WTIP: variants seen among roughly 807,000 people sequenced by gnomAD.
WTIP encodes WT1 interacting protein.
Under a neutral mutation model 41.7 loss-of-function variants are expected in WTIP, and 23 were observed. The observed-to-expected ratio is 0.55, with a 90% CI of 0.40 to 0.78. The LOEUF (loss-of-function observed/expected upper bound fraction) is 0.78. WTIP is among the 30% of genes least tolerant of loss of function. The pLI is 0.00. For synonymous variants in WTIP, 314 were observed against 269.9 expected (o/e 1.16, Z -1.60); for missense variants, 619 against 610.5 (o/e 1.01, Z -0.15).
In WTIP at chr19:34,494,567, GTTTCC is replaced by G; in HGVS notation, c.1032-15_1032-11del. ...CTGGTCACTCAGCTGATCACTTCTGGTTTCCTTTATTTCTCTAGGGTTTTTGCACC... is the reference window on the plus strand; with the variant it reads ...CTGGTCACTCAGCTGATCACTTCTGGTTTATTTCTCTAGGGTTTTTGCACC... On this transcript the variant is annotated splice_polypyrimidine_tract_variant and intron_variant, in intron 5 of 7. Transcript: ENST00000590071. The G allele has an allele frequency of 6.2e-7, 1 of 1,613,006 alleles. No individual in the cohort carries two copies. Among genetic ancestry groups the G allele is most frequent in the Admixed American group, 1.7e-5 (1 of 59,912 alleles).
Position 34,504,403 on chromosome 19 carries a change from TTG to T in WTIP, c.*4152_*4153del, listed in dbSNP as rs142028323. The T allele has an allele frequency of 0.011, 1,574 of 146,182 alleles. 26 individuals carry two copies. The highest frequency in any genetic ancestry group is 0.038 in the African/African-American group (1,445 of 38,428). 9.1% of individuals were successfully genotyped at this position (146,182 alleles called of 1,614,324 possible). A position where few individuals can be genotyped will look rare whatever the true frequency, so the allele number is the denominator to read the frequency against. ...CTGTGGGGTGTAATTGTGTGTTTGT[TTG>T]TGTGTGTGTGTGTGTGTCTGTGTGT... is the stretch of plus-strand genomic sequence containing the variant. On this transcript the variant is annotated 3_prime_UTR_variant, in exon 8 of 8. Transcript: ENST00000590071.
Position 34,482,351 on chromosome 19 carries a change from C to T in WTIP, c.377C>T (p.Ser126Leu), listed in dbSNP as rs1048658097. Residue 126 changes from serine to leucine, a missense_variant, in exon 1 of 8, where the codon TCG becomes TTG. Physicochemically the swap from Ser to Leu is moderately radical, Grantham distance 145. Coordinates refer to ENST00000590071, the MANE Select transcript of WTIP (RefSeq NM_001080436.2). ...CACGGCAGCCCGCGCTCCGGTCGCT[C>T]GGACCCGCGTCCCGGTCCCGGGCCG... ...QRHGSPRSGR[S>L]DPRPGPGPPS... The T allele has an allele frequency of 1.2e-5, 17 of 1,386,064 alleles. No individual in the cohort carries two copies. Among genetic ancestry groups the T allele is most frequent in the Non-Finnish European group, 1.5e-5 (16 of 1,064,806 alleles). The allele number at this position is 1,386,064 out of a possible 1,614,324, so 85.9% of individuals were successfully genotyped here. A position where few individuals can be genotyped will look rare whatever the true frequency, so the allele number is the denominator to read the frequency against.
chr19:34,495,432 G>T (rs11882662), intron 6 of WTIP, among the ~76,000 whole-genome samples: 8,582 of 151,938 alleles, frequency 0.056, 799 homozygotes, highest in African/African-American at 0.2. Flanking sequence ...TGAAAATAAT[G>T]TCCACATCCA....
At position 34,493,014 on chromosome 19, in the gene WTIP, C is replaced by G. The variant is rs1171790548; in HGVS notation, c.770-23C>G. The G allele has an allele frequency of 6.2e-7, 1 of 1,613,642 alleles. No homozygotes were observed. Among genetic ancestry groups the G allele is most frequent in the Non-Finnish European group, 8.5e-7 (1 of 1,179,772 alleles). On this transcript the variant is annotated intron_variant, in intron 2 of 7. Coordinates refer to ENST00000590071, the MANE Select transcript of WTIP (RefSeq NM_001080436.2). The surrounding 1 kb of genome is among the most constrained non-coding windows in gnomAD (Gnocchi z 4.1). ...CCTGGTCCCCAGCGTTCCAGGGACCCCTCTCAACCCTCACCCTTGCAGGGA... is the reference window on the plus strand; with the variant it reads ...CCTGGTCCCCAGCGTTCCAGGGACCGCTCTCAACCCTCACCCTTGCAGGGA...
At position 34,482,268 on chromosome 19, in the gene WTIP, C is replaced by CGGCGGCGGT. The variant is rs1372550716; in HGVS notation, c.301_309dup (p.Gly101_Gly103dup). On this transcript the variant is annotated inframe_insertion, in exon 1 of 8. Transcript: ENST00000590071. Reference sequence around the variant, plus strand: ...GGGCCAGCCTGGCGGGGTCCGACGGCGGCGGCGGTGGCGGCAGCGCCCGAT... The same window carrying CGGCGGCGGT: ...GGGCCAGCCTGGCGGGGTCCGACGGCGGCGGCGGTGGCGGCGGTGGCGGCAGCGCCCGAT... 1 of 1,298,600 alleles carries CGGCGGCGGT rather than the reference C, an allele frequency of 7.7e-7. No homozygotes were observed. The highest frequency in any genetic ancestry group is 9.8e-7 in the Non-Finnish European group (1 of 1,016,140). The allele number at this position is 1,298,600 out of a possible 1,614,324, so 80.4% of individuals were successfully genotyped here.
At chr19:34,492,564 C>A (rs1376719327) in intron 2 of WTIP, among the ~76,000 whole-genome samples, 1 of 151,438 alleles carries the variant, frequency 6.6e-6, no homozygotes, top group East Asian at 2.0e-4. Context: ...AGCCAGGCAC[C>A]TGTAGTCCCA....
Position 34,481,968 on chromosome 19 carries a change from C to T in WTIP, c.-7C>T, listed in dbSNP as rs990436733. ...GAGGTGACGCGCCAGGGCCGGCGGG[C>T]CGGGCCATGCAGCGCTCCAGGGCGG... On this transcript the variant is annotated 5_prime_UTR_variant, in exon 1 of 8. Transcript: ENST00000590071. 2.6e-4 allele frequency: 259 copies of T among 1,003,066 alleles called. 1 individual carries two copies. In the African/African-American group the frequency reaches 4.4e-3, roughly 17 times the overall value. 62.1% of individuals were successfully genotyped at this position (1,003,066 alleles called of 1,614,324 possible). A position where few individuals can be genotyped will look rare whatever the true frequency, so the allele number is the denominator to read the frequency against.
rs148366496 is a variant in WTIP at position 34,503,701 on chromosome 19, G to A, written c.*3432G>A. The A allele has an allele frequency of 3.4e-3, 513 of 152,562 alleles. 3 individuals carry two copies. Among genetic ancestry groups the A allele is most frequent in the African/African-American group, 0.012 (493 of 41,532 alleles). The allele number at this position is 152,562 out of a possible 1,614,324, so 9.5% of individuals were successfully genotyped here. A position where few individuals can be genotyped will look rare whatever the true frequency, so the allele number is the denominator to read the frequency against. ...CTATGCGGTGAGCTCTTCAGCTTGG[G>A]CCCGCCTGGTGGCTCACGCTACTCT... On this transcript the variant is annotated 3_prime_UTR_variant, in exon 8 of 8. Transcript: ENST00000590071.
chr19:34,502,719 C>G lies in WTIP; in HGVS notation c.*2450C>G, dbSNP rs1470534859. ...ACAGGCGTGAGCCACTGTGCCTGGC[C>G]TTACTTTTTGTATTTTTAGTTGAGA... On this transcript the variant is annotated 3_prime_UTR_variant, in exon 8 of 8. Coordinates refer to ENST00000590071, the MANE Select transcript of WTIP (RefSeq NM_001080436.2). 27 of 152,196 alleles carry G rather than the reference C, an allele frequency of 1.8e-4. No individual in the cohort carries two copies. Among genetic ancestry groups the G allele is most frequent in the Admixed American group, 1.8e-3 (27 of 15,264 alleles). The allele number at this position is 152,196 out of a possible 1,614,324, so 9.4% of individuals were successfully genotyped here. A position where few individuals can be genotyped will look rare whatever the true frequency, so the allele number is the denominator to read the frequency against.
chr19:34,491,606 G>A (rs1241213889), intron 2 of WTIP, among the ~76,000 whole-genome samples: 1 of 151,858 alleles, frequency 6.6e-6, no homozygotes, highest in Non-Finnish European at 1.5e-5. Flanking sequence ...ATAGGTGTGA[G>A]TCACCTTGCC....
chr19:34,495,126 G>GCACATGGT (rs1205226475), intron 6 of WTIP, among the ~76,000 whole-genome samples: 4 of 152,166 alleles, frequency 2.6e-5, no homozygotes, highest in Admixed American at 6.5e-5. Context: ...CCGGGCACAG[G>GCACATGGT]GGCCCACGCC....
intron 7 of WTIP, among the ~76,000 whole-genome samples, 167 bp from the exon 8 acceptor site, chr19:34,499,962 A>G (rs2075875552): frequency 6.6e-6 from 1 of 152,050 alleles, no homozygotes; most frequent in Non-Finnish European, 1.5e-5. Context: ...CAGCCTCCCA[A>G]AGTGCTGGGA....
rs2075929425 is a variant in WTIP at position 34,510,581 on chromosome 19, T to C, written c.*10312T>C. 6.6e-6 allele frequency: 1 copy of C among 152,250 alleles called. No homozygotes were observed. The highest frequency in any genetic ancestry group is 6.5e-5 in the Admixed American group (1 of 15,286). 9.4% of individuals were successfully genotyped at this position (152,250 alleles called of 1,614,324 possible). A position where few individuals can be genotyped will look rare whatever the true frequency, so the allele number is the denominator to read the frequency against. On this transcript the variant is annotated 3_prime_UTR_variant, in exon 8 of 8. Transcript: ENST00000590071. Reference sequence around the variant, plus strand: ...GGTTAAACATTCCCCTCCTTGTTACTTATGCAAATTTCTGCAGCCAGCTTG... The same window carrying C: ...GGTTAAACATTCCCCTCCTTGTTACCTATGCAAATTTCTGCAGCCAGCTTG...
At position 34,481,914 on chromosome 19, in the gene WTIP, G is replaced by C. The variant is rs1217898727; in HGVS notation, c.-61G>C. On this transcript the variant is annotated 5_prime_UTR_variant, in exon 1 of 8. Transcript: ENST00000590071. ...CTTCGGGCGGACGATGCGGCGGCCC[G>C]GCCGGAGCGGCGGCGGGAAGCGGAG... 6 of 957,520 alleles carry C rather than the reference G, an allele frequency of 6.3e-6. No individual in the cohort carries two copies. The highest frequency in any genetic ancestry group is 1.8e-5 in the African/African-American group (1 of 56,222). 59.3% of individuals were successfully genotyped at this position (957,520 alleles called of 1,614,324 possible).
chr19:34,496,518 C>T (rs141429692), intron 7 of WTIP, among the ~76,000 whole-genome samples: 242 of 152,178 alleles, frequency 1.6e-3, no homozygotes, highest in Non-Finnish European at 2.9e-3. Flanking sequence ...TTTCCTGCCC[C>T]GCAGAGAGTG....
In WTIP at chr19:34,481,871, C is replaced by T. The variant is rs1898061793; in HGVS notation, c.-104C>T. 1.4e-6 allele frequency: 1 copy of T among 698,940 alleles called. No individual in the cohort carries two copies. 43.3% of individuals were successfully genotyped at this position (698,940 alleles called of 1,614,324 possible). A position where few individuals can be genotyped will look rare whatever the true frequency, so the allele number is the denominator to read the frequency against. Reference sequence around the variant, plus strand: ...CCCGCCCCGCCCCGCGCCCAGGGGTCCCGGGGCGGGCTCCGGGCTTCGGGC... The same window carrying T: ...CCCGCCCCGCCCCGCGCCCAGGGGTTCCGGGGCGGGCTCCGGGCTTCGGGC... On this transcript the variant is annotated 5_prime_UTR_variant, in exon 1 of 8. Coordinates refer to ENST00000590071, the MANE Select transcript of WTIP (RefSeq NM_001080436.2).
rs771158690 is a variant in WTIP, at chr19:34,490,401, C to T, written c.693C>T (p.Gly231=). 1 of 1,614,034 alleles carries T rather than the reference C, an allele frequency of 6.2e-7. No homozygotes were observed. Among genetic ancestry groups the T allele is most frequent in the Non-Finnish European group, 8.5e-7 (1 of 1,179,894 alleles). ...YFGICIKCGL[G]IYGAQQACQA... is the part of the protein sequence containing the mutation. ...GCATTTGCATCAAGTGTGGGCTTGGCATCTACGGAGCCCAGCAGGCGTGCC... is the reference window on the plus strand; with the variant it reads ...GCATTTGCATCAAGTGTGGGCTTGGTATCTACGGAGCCCAGCAGGCGTGCC... Residue 231 remains glycine (G), a synonymous_variant, in exon 2 of 8, where the codon GGC becomes GGT. Transcript: ENST00000590071.
rs2075878818 is a variant in WTIP at position 34,500,389 on chromosome 19, C to T, written c.*120C>T. The T allele has an allele frequency of 7.5e-7, 1 of 1,327,092 alleles. No individual in the cohort carries two copies. Among genetic ancestry groups the T allele is most frequent in the Non-Finnish European group, 9.9e-7 (1 of 1,006,470 alleles). 82.2% of individuals were successfully genotyped at this position (1,327,092 alleles called of 1,614,324 possible). ...AATCAGTTTCCCACCGAGCTGCTGT[C>T]TGCAGGGGCCGGACCCCCGCGTGGA... On this transcript the variant is annotated 3_prime_UTR_variant, in exon 8 of 8. Transcript: ENST00000590071.
At position 34,493,286 on chromosome 19, in the gene WTIP, C is replaced by T. The variant is rs372285304; in HGVS notation, c.861C>T (p.Ala287=). ...AGTACTCCGGGTTCCAGCAGACGGCCGACAAATGCAGCGTGTGTGGACATC... is the reference window on the plus strand; with the variant it reads ...AGTACTCCGGGTTCCAGCAGACGGCTGACAAATGCAGCGTGTGTGGACATC... ...DFLYSGFQQT[A]DKCSVCGHLI... Residue 287 remains alanine, a synonymous_variant, in exon 4 of 8, where the codon GCC becomes GCT. Coordinates refer to ENST00000590071, the MANE Select transcript of WTIP (RefSeq NM_001080436.2). The surrounding 1 kb of genome is among the most constrained non-coding windows in gnomAD (Gnocchi z 4.1). 4.3e-6 allele frequency: 7 copies of T among 1,613,546 alleles called. No individual in the cohort carries two copies. The highest frequency in any genetic ancestry group is 1.6e-4 in the Middle Eastern group (1 of 6,062).
Sources: allele counts gnomAD v4.1 joint callset (sites outside exome capture counted in the v4.1 genomes callset), GRCh38; gene constraint gnomAD v4.1.1; non-coding constraint Gnocchi (gnomAD v3.1); transcripts MANE v1.5; gene names NCBI Gene and HGNC (gene_info 2026-07-23, HGNC 2026-07-21).